The following ERBB4 variants were observed in gnomAD, a reference collection of about 807,000 sequenced individuals.
ERBB4 encodes the protein erb-b2 receptor tyrosine kinase 4, also known as receptor tyrosine-protein kinase erbB-4.
A neutral mutation model predicts 158.0 loss-of-function variants in ERBB4; 42 were observed. That is an observed-to-expected ratio of 0.27 (90% CI 0.21 to 0.34). The LOEUF (loss-of-function observed/expected upper bound fraction) is 0.34, where lower values mean the gene tolerates loss of function less well. Ranked by LOEUF, ERBB4 falls within the 10% of genes least tolerant of loss-of-function variation. The pLI is 1.00. For missense variants in ERBB4, 1,333 were observed against 1,624.1 expected (o/e 0.82, Z 3.08); for synonymous variants, 583 against 558.7 (o/e 1.04, Z -0.61).
chr2:211,432,267 G>A (rs1236651925), intron 20 of ERBB4, among the ~76,000 whole-genome samples: 1 of 152,184 alleles, frequency 6.6e-6, no homozygotes, highest in Non-Finnish European at 1.5e-5. Flanking sequence ...AACAAAAGCT[G>A]TGGAAAACAG....
chr2:212,494,359 C>T (rs113951496), intron 1 of ERBB4, among the ~76,000 whole-genome samples: 4 of 151,928 alleles, frequency 2.6e-5, no homozygotes, highest in Admixed American at 1.3e-4. Context: ...CAGAAAGACT[C>T]CATAGATATT....
At chr2:211,653,140 T>G (rs747902735) in intron 16 of ERBB4, among the ~76,000 whole-genome samples, 1 of 152,178 alleles carries the variant, frequency 6.6e-6, no homozygotes, top group Admixed American at 6.5e-5. Context: ...TATAGGATTC[T>G]TGATGGAAAA....
At chr2:212,388,568 A>G (rs950544980) in intron 1 of ERBB4, among the ~76,000 whole-genome samples, 3 of 152,028 alleles carry the variant, frequency 2.0e-5, no homozygotes, top group Non-Finnish European at 1.5e-5. Flanking sequence ...AGTCACGAAC[A>G]TTTTCCTCCA....
intron 1 of ERBB4, among the ~76,000 whole-genome samples, chr2:212,505,836 C>A (rs1379931287): frequency 2.0e-5 from 3 of 148,912 alleles, no homozygotes; most frequent in Non-Finnish European, 3.0e-5. Flanking sequence ...TCTTCTGACA[C>A]CATCTACGAC....
chr2:212,333,462 C>T (rs539706667), intron 1 of ERBB4, among the ~76,000 whole-genome samples: 6 of 150,924 alleles, frequency 4.0e-5, no homozygotes, highest in African/African-American at 1.5e-4. Context: ...GAGAACTGCT[C>T]GAGCCCAGGA....
intron 1 of ERBB4, among the ~76,000 whole-genome samples, chr2:212,500,677 G>A (rs568972613): frequency 6.5e-4 from 99 of 152,170 alleles, no homozygotes; most frequent in African/African-American, 1.7e-3. Flanking sequence ...TTGCTCTTTA[G>A]TGAATAACAT....
chr2:212,374,771 T>C (rs560113503), intron 1 of ERBB4, among the ~76,000 whole-genome samples: 15 of 151,836 alleles, frequency 9.9e-5, no homozygotes, highest in Non-Finnish European at 1.3e-4. Context: ...ATAAAGAAAA[T>C]TGCATATGAT....
intron 1 of ERBB4, among the ~76,000 whole-genome samples, chr2:212,169,047 T>A (rs1318433169): frequency 6.6e-6 from 1 of 152,190 alleles, no homozygotes; most frequent in Non-Finnish European, 1.5e-5. Context: ...ACGTGAGGAA[T>A]AAGGTATAGT....
intron 1 of ERBB4, among the ~76,000 whole-genome samples, chr2:212,472,723 T>C (rs1391116707): frequency 6.6e-6 from 1 of 151,906 alleles, no homozygotes; most frequent in East Asian, 1.9e-4. Context: ...AAATGTCATG[T>C]GTTTGCATGT....
At chr2:212,455,512 T>C (rs1688245071) in intron 1 of ERBB4, among the ~76,000 whole-genome samples, 1 of 151,986 alleles carries the variant, frequency 6.6e-6, no homozygotes, top group Admixed American at 6.6e-5. Flanking sequence ...AGTAAAAAAC[T>C]GAATGAGAAA....
intron 1 of ERBB4, among the ~76,000 whole-genome samples, chr2:212,533,501 A>G (rs546653175): frequency 6.6e-6 from 1 of 152,352 alleles, no homozygotes; most frequent in South Asian, 2.1e-4. Flanking sequence ...ACTACGTCCC[A>G]TGTCCCATTT....
chr2:212,165,576 T>A (rs1398358871), intron 1 of ERBB4, among the ~76,000 whole-genome samples: 7 of 152,054 alleles, frequency 4.6e-5, no homozygotes, highest in Non-Finnish European at 8.8e-5. Flanking sequence ...TCTTTTCTTT[T>A]CCTTTTTCCT....
At chr2:212,441,152 T>G (rs2092245872) in intron 1 of ERBB4, among the ~76,000 whole-genome samples, 1 of 152,178 alleles carries the variant, frequency 6.6e-6, no homozygotes, top group Non-Finnish European at 1.5e-5. Context: ...TGTGGGAGGA[T>G]TCTGATGAAG....
chr2:212,055,606 C>T (rs368827165), intron 2 of ERBB4, among the ~76,000 whole-genome samples: 4 of 152,220 alleles, frequency 2.6e-5, no homozygotes, highest in East Asian at 1.9e-4. Flanking sequence ...CAGGCAGCAA[C>T]GTTTGCTGTT....
At chr2:211,446,429 A>G (rs1472772651) in intron 20 of ERBB4, among the ~76,000 whole-genome samples, 4 of 152,092 alleles carry the variant, frequency 2.6e-5, no homozygotes, top group Non-Finnish European at 5.9e-5. Context: ...AACAAAAATA[A>G]CTTCGTAGAA....
At chr2:211,426,932 T>C (rs925017517) in intron 22 of ERBB4, among the ~76,000 whole-genome samples, 11 of 152,016 alleles carry the variant, frequency 7.2e-5, no homozygotes, top group African/African-American at 2.4e-4. Context: ...ACAGAATACA[T>C]GCAATAGATG....
intron 16 of ERBB4, among the ~76,000 whole-genome samples, chr2:211,631,003 A>C (rs1342445847): frequency 6.6e-6 from 1 of 152,226 alleles, no homozygotes; most frequent in Admixed American, 6.5e-5. Flanking sequence ...TTTTATTTCC[A>C]GTAATTTCTC....
intron 2 of ERBB4, among the ~76,000 whole-genome samples, chr2:212,023,081 A>G (rs2076692961): frequency 6.6e-6 from 1 of 152,114 alleles, no homozygotes; most frequent in African/African-American, 2.4e-5. Flanking sequence ...GATCTCTGTC[A>G]TGGAATATCT....
intron 2 of ERBB4, among the ~76,000 whole-genome samples, chr2:212,053,701 A>T (rs1468946826): frequency 6.6e-6 from 1 of 152,072 alleles, no homozygotes; most frequent in African/African-American, 2.4e-5. Context: ...TATGTCTTGC[A>T]TTCTTTGTCT....
Sources: allele counts gnomAD v4.1 joint callset (sites outside exome capture counted in the v4.1 genomes callset), GRCh38; gene constraint gnomAD v4.1.1; transcripts MANE v1.5; gene names NCBI Gene and HGNC (gene_info 2026-07-23, HGNC 2026-07-21).